TBC1D10C: variants seen among roughly 807,000 people sequenced by gnomAD.
TBC1D10C encodes the protein TBC1 domain family member 10C.
TBC1D10C carries 49 observed loss-of-function variants against 51.0 expected under a neutral mutation model. That is an observed-to-expected ratio of 0.96 (90% CI 0.76 to 1.22). The LOEUF (loss-of-function observed/expected upper bound fraction) is 1.22, where lower values mean the gene tolerates loss of function less well. Among genes scored for constraint, TBC1D10C ranks in the 50% most tolerant of loss-of-function variants. The pLI is 0.00. For missense variants in TBC1D10C, 541 were observed against 617.5 expected, an observed-to-expected ratio of 0.88 and a Z score of 1.31; for synonymous variants, 281 against 266.7, an observed-to-expected ratio of 1.05 and a Z score of -0.52.
chr11:67,406,934 G>A lies in TBC1D10C; in HGVS notation c.756G>A (p.Leu252=). 5.0e-6 allele frequency: 8 copies of A among 1,613,126 alleles called. No homozygotes were observed. The South Asian group carries it at 6.6e-5, about 13-fold the overall frequency. The change falls in exon 7 of 9, where the codon CTG becomes CTA. Residue 252 remains leucine, a synonymous_variant. Coordinates refer to ENST00000542590, the MANE Select transcript of TBC1D10C (RefSeq NM_001369496.1). Reference sequence around the variant, plus strand: ...TGGGCGTCGGACCCCTGCTGTACCTGCCCGAGTGGTTCCTGTGCCTCTTCG... The same window carrying A: ...TGGGCGTCGGACCCCTGCTGTACCTACCCGAGTGGTTCCTGTGCCTCTTCG... ...QQVGVGPLLY[L]PEWFLCLFAR...
intron 7 of TBC1D10C, 127 bp downstream of exon 7, chr11:67,407,143 G>T: frequency 8.8e-7 from 1 of 1,130,422 alleles, no homozygotes. Flanking sequence ...GTGATGGCCT[G>T]GTGCCTGGCG....
At chr11:67,406,785 C>G (rs1454402682) in intron 6 of TBC1D10C, 42 bp from the exon 7 acceptor site, 1 of 1,609,544 alleles carries the variant, frequency 6.2e-7, no homozygotes, top group African/African-American at 1.3e-5. Flanking sequence ...AGCCTGGGCT[C>G]TGGGGGTGGC....
intron 4 of TBC1D10C, 60 bp from the exon 5 acceptor site, chr11:67,405,843 C>T: frequency 1.3e-6 from 2 of 1,549,214 alleles, no homozygotes; most frequent in African/African-American, 1.4e-5. Flanking sequence ...GCAGAGGCCC[C>T]CAGAGGGTGG....
In TBC1D10C at chr11:67,405,999, C is replaced by T. The variant is rs1362075442; in HGVS notation, c.564C>T (p.Leu188=). 1 of 1,595,974 alleles carries T rather than the reference C, an allele frequency of 6.3e-7. No individual in the cohort carries two copies. Among genetic ancestry groups the T allele is most frequent in the East Asian group, 2.2e-5 (1 of 44,446 alleles). ...AGGGGCCCGTGGCTGCTGTGCTGCT[C>T]ATGCACCTGCCCCCAGAGGTGAGTG... is the stretch of plus-strand genomic sequence containing the variant. The part of the protein sequence containing the change: ...QAQGPVAAVL[L]MHLPPEEAFW... Residue 188 remains leucine, a synonymous_variant, in exon 5 of 9, where the codon CTC becomes CTT. Transcript: ENST00000542590.
At position 67,409,100 on chromosome 11, in the gene TBC1D10C, C is replaced by A. The variant is rs140449515; in HGVS notation, c.960C>A (p.Pro320=). The A allele has an allele frequency of 1.4e-5, 23 of 1,600,298 alleles. 2 individuals are homozygous for A. The African/African-American group carries it at 1.6e-4, about 11-fold the overall frequency. Residue 320 remains proline, a synonymous_variant, in exon 8 of 9, where the codon CCC becomes CCA. Transcript: ENST00000542590. ...ETLGALRAIP[P]AQLQEEAFMS... ...TGGGAGCCCTTCGAGCCATCCCCCC[C>A]GCGCAGCTGCAGGAGGAGGCCTTCA...
chr11:67,405,305 C>T lies in TBC1D10C; in HGVS notation c.253-94C>T, dbSNP rs1590943846. On this transcript the variant is annotated intron_variant, in intron 2 of 8. Coordinates refer to ENST00000542590, the MANE Select transcript of TBC1D10C (RefSeq NM_001369496.1). The stretch of plus-strand genomic sequence containing the variant: ...CCTCCGGCCTTTGCTCCCTGCCACC[C>T]AAAGTGGGCCCCTGCCTGCTGATGA... The T allele has an allele frequency of 2.7e-6, 4 of 1,508,190 alleles. No individual in the cohort carries two copies. In the Middle Eastern group the frequency reaches 5.2e-4, roughly 198 times the overall value. The allele number at this position is 1,508,190 out of a possible 1,614,324, so 93.4% of individuals were successfully genotyped here. A position where few individuals can be genotyped will look rare whatever the true frequency, so the allele number is the denominator to read the frequency against.
chr11:67,405,695 G>A lies in TBC1D10C; in HGVS notation c.461G>A (p.Gly154Asp), dbSNP rs866168203. Residue 154 changes from glycine to aspartate, a missense_variant, in exon 4 of 9, where the codon GGC becomes GAC. Gly to Asp is a moderately conservative substitution (Grantham distance 94). Coordinates refer to ENST00000542590, the MANE Select transcript of TBC1D10C (RefSeq NM_001369496.1). The stretch of plus-strand genomic sequence containing the variant: ...CACGAGATGTTTGTGTCGCCTCAGG[G>A]CCACGGGTACGAGGCCGGTGATGCC... ...PLHEMFVSPQ[G>D]HGQQGLLQVL... 9.3e-6 allele frequency: 15 copies of A among 1,613,556 alleles called. No individual in the cohort carries two copies. Among genetic ancestry groups the A allele is most frequent in the Non-Finnish European group, 1.3e-5 (15 of 1,179,992 alleles).
At position 67,405,959 on chromosome 11, in the gene TBC1D10C, GCTA is replaced by G. The variant is rs766905382; in HGVS notation, c.527_529del (p.Tyr176del). 2 of 1,606,726 alleles carry G rather than the reference GCTA, an allele frequency of 1.2e-6. No individual in the cohort carries two copies. The highest frequency in any genetic ancestry group is 1.7e-6 in the Non-Finnish European group (2 of 1,177,596). ...TACACCCTGTATCGACCGGAGCAGG[GCTA>G]CTGCCAGGCCCAGGGGCCCGTGGCT... On this transcript the variant is annotated inframe_deletion, in exon 5 of 9. Coordinates refer to ENST00000542590, the MANE Select transcript of TBC1D10C (RefSeq NM_001369496.1).
intron 5 of TBC1D10C, chr11:67,406,256 C>T: frequency 1.9e-6 from 1 of 525,208 alleles, no homozygotes; most frequent in Non-Finnish European, 3.3e-6. Flanking sequence ...ATGTTATCAC[C>T]TTGACCCCAC....
Position 67,408,964 on chromosome 11 carries a change from G to GC in TBC1D10C, c.839-10dup. 6.5e-7 allele frequency: 1 copy of GC among 1,535,138 alleles called. No individual in the cohort carries two copies. The highest frequency in any genetic ancestry group is 8.7e-7 in the Non-Finnish European group (1 of 1,142,868). On this transcript the variant is annotated splice_polypyrimidine_tract_variant and intron_variant, in intron 7 of 8. Transcript: ENST00000542590. ...GCAGGGCCGGCCTCCCAGTGAATAAGCCCCCGGCCTGCAGGTGCCAGAGTA... is the reference window on the plus strand; with the variant it reads ...GCAGGGCCGGCCTCCCAGTGAATAAGCCCCCCGGCCTGCAGGTGCCAGAGTA...
Position 67,405,711 on chromosome 11 carries a change from C to T in TBC1D10C, c.467+10C>T, listed in dbSNP as rs555189794. 1.2e-5 allele frequency: 20 copies of T among 1,613,212 alleles called. No homozygotes were observed. The highest frequency in any genetic ancestry group is 6.7e-5 in the African/African-American group (5 of 75,048). On this transcript the variant is annotated intron_variant, in intron 4 of 8. Coordinates refer to ENST00000542590, the MANE Select transcript of TBC1D10C (RefSeq NM_001369496.1). ...CGCCTCAGGGCCACGGGTACGAGGC[C>T]GGTGATGCCCAGGGACCCCCAGCCC... is the stretch of plus-strand genomic sequence containing the variant.
chr11:67,405,590 C>G lies in TBC1D10C; in HGVS notation c.361-5C>G. On this transcript the variant is annotated splice_polypyrimidine_tract_variant and splice_region_variant and intron_variant, in intron 3 of 8. Coordinates refer to ENST00000542590, the MANE Select transcript of TBC1D10C (RefSeq NM_001369496.1). ...CCTCACACCCACCTTCCTGGCTACC[C>G]ACAGGAGCTGGCAGAGGCCCCTGGA... The G allele has an allele frequency of 6.2e-7, 1 of 1,613,970 alleles. No homozygotes were observed. Among genetic ancestry groups the G allele is most frequent in the African/African-American group, 1.3e-5 (1 of 75,074 alleles).
chr11:67,405,048 T>C (rs1863086799), intron 1 of TBC1D10C, 37 bp from the exon 2 acceptor site: 1 of 1,533,180 alleles, frequency 6.5e-7, no homozygotes, highest in Non-Finnish European at 8.8e-7. Flanking sequence ...GGGTAACAGC[T>C]GCCCAGCGTC....
chr11:67,405,492 C>T lies in TBC1D10C; in HGVS notation c.346C>T (p.Pro116Ser), dbSNP rs749883666. The change falls in exon 3 of 9, where the codon CCT becomes TCT. Residue 116 changes from proline (P) to serine (S), a missense_variant. Transcript: ENST00000542590. ...CGAHVCQKNS[P>S]GTYQELAEAP... is the part of the protein sequence containing the mutation. ...GGCCCATGTGTGCCAGAAGAACAGC[C>T]CTGGCACCTATCAGGTGAGGGAGTG... is the stretch of plus-strand genomic sequence containing the variant. 6.2e-7 allele frequency: 1 copy of T among 1,613,362 alleles called. No individual in the cohort carries two copies. Among genetic ancestry groups the T allele is most frequent in the South Asian group, 1.1e-5 (1 of 91,064 alleles).
intron 1 of TBC1D10C, 199 bp from the exon 2 acceptor site, chr11:67,404,886 C>T (rs1863078080): frequency 3.5e-6 from 2 of 572,962 alleles, no homozygotes. Context: ...CAGTCTCCTG[C>T]TTCTGCCCAC....
Position 67,405,720 on chromosome 11 carries a change from C to T in TBC1D10C, c.467+19C>T. ...GCCACGGGTACGAGGCCGGTGATGCCCAGGGACCCCCAGCCCCACAAGCCC... is the reference window on the plus strand; with the variant it reads ...GCCACGGGTACGAGGCCGGTGATGCTCAGGGACCCCCAGCCCCACAAGCCC... On this transcript the variant is annotated intron_variant, in intron 4 of 8. Transcript: ENST00000542590. 1.2e-6 allele frequency: 2 copies of T among 1,612,136 alleles called. No individual in the cohort carries two copies. Among genetic ancestry groups the T allele is most frequent in the Non-Finnish European group, 1.7e-6 (2 of 1,179,024 alleles).
In TBC1D10C at chr11:67,409,136, G is replaced by C. The variant is rs1457134164; in HGVS notation, c.993+3G>C. On this transcript the variant is annotated splice_donor_region_variant and intron_variant, in intron 8 of 8. Transcript: ENST00000542590. Reference sequence around the variant, plus strand: ...AGGAGGAGGCCTTCATGTCACAGGTGGGTACCCCCACCTCTCCTTGGACTT... The same window carrying C: ...AGGAGGAGGCCTTCATGTCACAGGTCGGTACCCCCACCTCTCCTTGGACTT... 1 of 1,587,728 alleles carries C rather than the reference G, an allele frequency of 6.3e-7. No individual in the cohort carries two copies. Among genetic ancestry groups the C allele is most frequent in the South Asian group, 1.1e-5 (1 of 87,960 alleles).
At chr11:67,405,240 C>T (rs1465221700) in intron 2 of TBC1D10C, 56 bp downstream of exon 2, 8 of 1,532,550 alleles carry the variant, frequency 5.2e-6, no homozygotes, top group Non-Finnish European at 7.1e-6. Context: ...TCTGCCTCAG[C>T]CCACATCTTG....
chr11:67,407,196 G>A (rs1863210940), intron 7 of TBC1D10C, 180 bp downstream of exon 7: 2 of 767,720 alleles, frequency 2.6e-6, no homozygotes, highest in Non-Finnish European at 4.1e-6. Context: ...GCCTGGTGCA[G>A]AGCTGGGCCA....
Sources: allele counts gnomAD v4.1 joint callset, GRCh38; gene constraint gnomAD v4.1.1; transcripts MANE v1.5; gene names NCBI Gene and HGNC (gene_info 2026-07-23, HGNC 2026-07-21).